Variants in TPR observed in about 807,000 individuals in gnomAD.
TPR encodes translocated promoter region, nuclear basket protein.
A neutral mutation model predicts 316.1 loss-of-function variants in TPR; 51 were observed. The ratio of observed to expected loss-of-function variants is 0.16; its 90% CI spans 0.13 to 0.20. TPR has a LOEUF of 0.20. TPR is among the 10% of genes least tolerant of loss of function. TPR has a pLI of 1.00. For synonymous variants in TPR, 981 were observed against 914.7 expected (o/e 1.07, Z -1.31); for missense variants, 2,272 against 2,754.8 (o/e 0.82, Z 3.92).
chr1:186,367,924 G>A lies in TPR; in HGVS notation c.389C>T (p.Thr130Ile). ...AAGTTCTTGAGATAGTCTCTCATTG[G>A]TTCTAATTAAGTCTCTTTTCTCAGC... is the stretch of plus-strand genomic sequence containing the variant. Reference protein sequence around the residue: ...LEAEKRDLIRTNERLSQELEY... With the variant: ...LEAEKRDLIRINERLSQELEY... The change falls in exon 4 of 51, where the codon ACC becomes ATC. Residue 130 changes from threonine (T) to isoleucine (I), a missense_variant. Thr to Ile is a moderately conservative substitution (Grantham distance 89). Around this residue, in one of 10 missense-constraint regions of TPR, gnomAD observed 549 missense variants for 598.6 expected, o/e 0.92. Transcript: ENST00000367478. The A allele has an allele frequency of 6.2e-7, 1 of 1,611,434 alleles. No homozygotes were observed. The highest frequency in any genetic ancestry group is 8.5e-7 in the Non-Finnish European group (1 of 1,179,470).
At chr1:186,342,801 T>C (rs1658548662) in intron 27 of TPR, 1 of 152,242 alleles carries the variant, frequency 6.6e-6, no homozygotes. Context: ...TGTCTTATTA[T>C]CATCCATTTC....
At chr1:186,319,936 AC>A (rs1233293105) in intron 46 of TPR, among the ~76,000 whole-genome samples, 32 of 152,218 alleles carry the variant, frequency 2.1e-4, no homozygotes, top group Non-Finnish European at 4.4e-5. Flanking sequence ...TAGAAATGTT[AC>A]AAGTGTCAAG....
At chr1:186,333,609 T>C (rs1362028177) in intron 36 of TPR, among the ~76,000 whole-genome samples, 3 of 152,114 alleles carry the variant, frequency 2.0e-5, no homozygotes, top group South Asian at 4.1e-4. Flanking sequence ...TAAATAAATA[T>C]CTGTAACTGA....
At chr1:186,374,729 G>A (rs1311975691) in intron 1 of TPR, 149 bp downstream of exon 1, 5 of 783,566 alleles carry the variant, frequency 6.4e-6, no homozygotes, top group Non-Finnish European at 9.8e-6. Context: ...AAACTGTAAG[G>A]AGCAGGAAAG....
rs1163502856 is a variant in TPR, at chr1:186,312,575, G to C, written c.*1396C>G. The C allele has an allele frequency of 3.9e-6, 3 of 774,350 alleles. No individual in the cohort carries two copies. The African/African-American group carries it at 5.3e-5, about 14-fold the overall frequency. 48.0% of individuals were successfully genotyped at this position (774,350 alleles called of 1,614,324 possible). A position where few individuals can be genotyped will look rare whatever the true frequency, so the allele number is the denominator to read the frequency against. On this transcript the variant is annotated 3_prime_UTR_variant, in exon 51 of 51. Transcript: ENST00000367478. ...TCCTTGTGGGTAAGTAAAGCAGTTT[G>C]TTCAGGTTTGTTAGTTATAACCAAT...
At chr1:186,354,384 T>C (rs1269879727) in intron 17 of TPR, among the ~76,000 whole-genome samples, 1 of 152,216 alleles carries the variant, frequency 6.6e-6, no homozygotes, top group Non-Finnish European at 1.5e-5. Context: ...AATTAAGTTA[T>C]TATACAGGGT....
At chr1:186,368,382 T>C (rs1659408593) in intron 3 of TPR, among the ~76,000 whole-genome samples, 1 of 152,148 alleles carries the variant, frequency 6.6e-6, no homozygotes, top group South Asian at 2.1e-4. Context: ...GAAATCAAGC[T>C]GGGCCGATCA....
At chr1:186,361,927 C>A in intron 7 of TPR, 58 bp from the exon 8 acceptor site, 1 of 1,520,718 alleles carries the variant, frequency 6.6e-7, no homozygotes, top group Non-Finnish European at 8.9e-7. Flanking sequence ...GAATGCTTAT[C>A]AAATGACAAG....
chr1:186,349,006 T>C (rs1465737910), intron 21 of TPR, among the ~76,000 whole-genome samples: 1 of 152,138 alleles, frequency 6.6e-6, no homozygotes, highest in Non-Finnish European at 1.5e-5. Context: ...GAGAGATGCT[T>C]CTCTACTCCC....
intron 1 of TPR, 133 bp downstream of exon 1, chr1:186,374,745 G>T: frequency 2.1e-6 from 2 of 937,908 alleles, no homozygotes; most frequent in Non-Finnish European, 3.1e-6. Context: ...GAAAGCGAAG[G>T]CTCAGGATAT....
intron 21 of TPR, among the ~76,000 whole-genome samples, chr1:186,349,609 G>A (rs796218066): frequency 1.4e-4 from 21 of 151,126 alleles, no homozygotes; most frequent in African/African-American, 4.6e-4. Flanking sequence ...GCAGTGAGCC[G>A]AGATCGCGCC....
intron 47 of TPR, 56 bp downstream of exon 47, chr1:186,318,677 C>A: frequency 6.2e-7 from 1 of 1,609,704 alleles, no homozygotes; most frequent in Non-Finnish European, 8.5e-7. Context: ...GAAGATACTT[C>A]ATAGGTTTTC....
Position 186,312,563 on chromosome 1 carries a change from G to A in TPR, c.*1408C>T. On this transcript the variant is annotated 3_prime_UTR_variant, in exon 51 of 51. Transcript: ENST00000367478. ...ATACTTTCTTTTTCCTTGTGGGTAA[G>A]TAAAGCAGTTTGTTCAGGTTTGTTA... The A allele has an allele frequency of 1.2e-6, 1 of 804,270 alleles. No homozygotes were observed. The highest frequency in any genetic ancestry group is 1.9e-6 in the Non-Finnish European group (1 of 519,776). 49.8% of individuals were successfully genotyped at this position (804,270 alleles called of 1,614,324 possible). A position where few individuals can be genotyped will look rare whatever the true frequency, so the allele number is the denominator to read the frequency against.
chr1:186,353,135 G>A (rs537363719), intron 18 of TPR, among the ~76,000 whole-genome samples: 17 of 152,298 alleles, frequency 1.1e-4, no homozygotes, highest in African/African-American at 4.1e-4. Context: ...CACTTTGGGA[G>A]GCTAAGGCGG....
intron 21 of TPR, among the ~76,000 whole-genome samples, chr1:186,349,060 C>A (rs991899020): frequency 6.6e-6 from 1 of 152,184 alleles, no homozygotes; most frequent in Non-Finnish European, 1.5e-5. Context: ...TTGAAACTAT[C>A]ATGAGTTGAA....
At chr1:186,346,629 A>G (rs768850796) in intron 22 of TPR, among the ~76,000 whole-genome samples, 2 of 152,188 alleles carry the variant, frequency 1.3e-5, no homozygotes, top group South Asian at 4.1e-4. Context: ...ATTTACAATG[A>G]TGTCAACCAC....
At chr1:186,322,904 G>C (rs1238838433) in intron 43 of TPR, among the ~76,000 whole-genome samples, 1 of 152,138 alleles carries the variant, frequency 6.6e-6, no homozygotes, top group African/African-American at 2.4e-5. Context: ...GGAAGTGTTA[G>C]CAAGTATTCT....
chr1:186,337,999 G>GT (rs557325742), intron 31 of TPR, 34 bp downstream of exon 31: 1,411 of 1,449,276 alleles, frequency 9.7e-4, no homozygotes, highest in Middle Eastern at 1.6e-3. Context: ...ATTCATCCTA[G>GT]TTTTTTTTTG....
chr1:186,345,490 A>G, intron 24 of TPR, 90 bp downstream of exon 24: 2 of 989,488 alleles, frequency 2.0e-6, no homozygotes, highest in Non-Finnish European at 1.5e-6. Flanking sequence ...GAATTTTTGT[A>G]AGGTCCACCA....
Sources: gnomAD v4.1 joint callset for allele counts (sites outside exome capture counted in the v4.1 genomes callset) on GRCh38, gnomAD v4.1.1 for gene constraint, gnomAD v4.1.1 regional missense constraint, MANE v1.5 for transcripts, NCBI Gene and HGNC (gene_info 2026-07-23, HGNC 2026-07-21) for gene names.